ZNF516: variants seen among roughly 807,000 people sequenced by gnomAD.
ZNF516 encodes the protein zinc finger protein 516.
In ZNF516, 19 loss-of-function variants were observed where a neutral mutation model predicts 79.7. The ratio of observed to expected loss-of-function variants is 0.24; its 90% CI spans 0.17 to 0.35. The LOEUF (loss-of-function observed/expected upper bound fraction) is 0.35. Ranked by LOEUF, ZNF516 falls within the 10% of genes least tolerant of loss-of-function variation. ZNF516 has a pLI of 1.00. For missense variants in ZNF516, 1,678 were observed against 1,679.5 expected (o/e 1.00, Z 0.02); for synonymous variants, 877 against 739.5 (o/e 1.19, Z -3.02).
chr18:76,485,526 G>A (rs1335199186), intron 1 of ZNF516, among the ~76,000 whole-genome samples: 4 of 152,204 alleles, frequency 2.6e-5, no homozygotes, highest in Non-Finnish European at 5.9e-5. Context: ...TCGTAAAACA[G>A]AGAAAACAGG....
At chr18:76,492,075 A>G (rs1915262147) in intron 1 of ZNF516, 1 of 812,174 alleles carries the variant, frequency 1.2e-6, no homozygotes, top group African/African-American at 1.9e-5. Flanking sequence ...CGCATGGACG[A>G]GGTCCCTCCC....
chr18:76,431,259 A>G (rs2075656603), intron 3 of ZNF516, among the ~76,000 whole-genome samples: 1 of 152,194 alleles, frequency 6.6e-6, no homozygotes, highest in Admixed American at 6.5e-5. Context: ...GGACACACAC[A>G]CACACACACA....
intron 2 of ZNF516, among the ~76,000 whole-genome samples, chr18:76,446,404 G>T (rs560380160): frequency 5.3e-5 from 8 of 152,224 alleles, no homozygotes; most frequent in Admixed American, 4.6e-4. Flanking sequence ...CCCAAATACA[G>T]CCCCATCTAG....
rs559748313 is a variant in ZNF516, at chr18:76,380,196, C to T, written c.1918G>A (p.Gly640Ser). 1.4e-5 allele frequency: 23 copies of T among 1,613,940 alleles called. No homozygotes were observed. The African/African-American group carries it at 2.4e-4, about 17-fold the overall frequency. The change falls in exon 4 of 7, where the codon GGC (glycine) becomes AGC (serine). Residue 640 changes from glycine to serine, a missense_variant. Coordinates refer to ENST00000443185, the MANE Select transcript of ZNF516 (RefSeq NM_014643.4). ...GCTGCGATCCCTGCCTTGGACTCGC[C>T]GGTGTCTCTTTCCGAGGCGTTATCT... is the stretch of plus-strand genomic sequence containing the variant. ...MGDNASERDT[G>S]ESKAGIAASV...
At chr18:76,405,784 T>C (rs1317626370) in intron 3 of ZNF516, among the ~76,000 whole-genome samples, 1 of 151,852 alleles carries the variant, frequency 6.6e-6, no homozygotes, top group Non-Finnish European at 1.5e-5. Context: ...AGCCACACCG[T>C]CACACTCAGC....
intron 2 of ZNF516, among the ~76,000 whole-genome samples, chr18:76,444,290 A>G (rs1911909776): frequency 6.6e-6 from 1 of 152,188 alleles, no homozygotes; most frequent in Non-Finnish European, 1.5e-5. Flanking sequence ...TCATCTGCTC[A>G]TCTCTGCATA....
At chr18:76,443,249 G>C (rs1911836426) in intron 2 of ZNF516, 38 bp from the exon 3 acceptor site, 1 of 794,758 alleles carries the variant, frequency 1.3e-6, no homozygotes, top group African/African-American at 1.8e-5. Context: ...AAAGCTCCTG[G>C]CTAAGAGGGC....
intron 4 of ZNF516, among the ~76,000 whole-genome samples, chr18:76,377,622 CCT>C (rs925250380): frequency 2.4e-4 from 36 of 152,342 alleles, no homozygotes; most frequent in African/African-American, 8.2e-4. Flanking sequence ...GAACCATGCC[CCT>C]GACAGTCCTG....
At position 76,459,845 on chromosome 18, in the gene ZNF516, G is replaced by A. The variant is rs114273908; in HGVS notation, c.-158+3183C>T. 1.8e-3 allele frequency among the ~76,000 whole-genome samples: 267 copies of A among 152,280 alleles called. 1 individual carries two copies. The highest frequency in any genetic ancestry group is 6.1e-3 in the African/African-American group (254 of 41,564). The stretch of plus-strand genomic sequence containing the variant: ...CAGGCAGGCTAAGAACAGGCGATCC[G>A]GCAGGCACAAGAAGGAACATACTGA... On this transcript the variant is annotated intron_variant, in intron 2 of 6. Transcript: ENST00000443185. This position sits in a 1 kb window ranked among gnomAD's most constrained non-coding sequence, Gnocchi z 5.0.
chr18:76,456,824 G>C (rs1912757277), intron 2 of ZNF516, among the ~76,000 whole-genome samples: 1 of 152,170 alleles, frequency 6.6e-6, no homozygotes, highest in Non-Finnish European at 1.5e-5. Flanking sequence ...CTTTTTCCAA[G>C]CTATTCATGC....
At chr18:76,376,888 C>A (rs956969513) in intron 4 of ZNF516, among the ~76,000 whole-genome samples, 1 of 152,160 alleles carries the variant, frequency 6.6e-6, no homozygotes, top group Non-Finnish European at 1.5e-5. Context: ...AAGGACACAG[C>A]GGGCCAGGTG....
At chr18:76,384,020 C>T (rs1015825360) in intron 3 of ZNF516, among the ~76,000 whole-genome samples, 2 of 152,190 alleles carry the variant, frequency 1.3e-5, no homozygotes, top group African/African-American at 4.8e-5. Context: ...AAAACTAAGA[C>T]GAGGGGCCTC....
intron 3 of ZNF516, chr18:76,387,595 T>A (rs534906265): frequency 6.6e-6 from 1 of 152,370 alleles, no homozygotes; most frequent in Non-Finnish European, 1.5e-5. Flanking sequence ...CGTGATTTTC[T>A]TTTTTCAGAG....
intron 6 of ZNF516, among the ~76,000 whole-genome samples, chr18:76,364,687 A>G (rs906151585): frequency 2.0e-5 from 3 of 151,422 alleles, no homozygotes. Context: ...CACACAAAAA[A>G]CCTGCCATGC....
intron 3 of ZNF516, among the ~76,000 whole-genome samples, chr18:76,408,786 G>T (rs184169609): frequency 1.3e-5 from 2 of 152,354 alleles, no homozygotes; most frequent in East Asian, 3.9e-4. Flanking sequence ...TTCCAGTAAT[G>T]TATCACCCTC....
At chr18:76,483,811 G>A (rs1233387170) in intron 1 of ZNF516, among the ~76,000 whole-genome samples, 2 of 152,182 alleles carry the variant, frequency 1.3e-5, no homozygotes, top group South Asian at 2.1e-4. Flanking sequence ...CACCCACTGC[G>A]GGGCTGGGAA....
At chr18:76,491,285 G>A (rs1199176004) in intron 1 of ZNF516, among the ~76,000 whole-genome samples, 121 of 15,876 alleles carry the variant, frequency 7.6e-3, no homozygotes, top group Non-Finnish European at 0.012. Flanking sequence ...CCCGGCCCCG[G>A]CCCCGGCCCC....
At position 76,379,881 on chromosome 18, in the gene ZNF516, T is replaced by G; in HGVS notation, c.2233A>C (p.Ser745Arg). The G allele has an allele frequency of 1.9e-6, 3 of 1,613,942 alleles. No homozygotes were observed. The East Asian group carries it at 6.7e-5, about 36-fold the overall frequency. Residue 745 changes from serine to arginine, a missense_variant, in exon 4 of 7, where the codon AGC becomes CGC. Physicochemically the swap from Ser to Arg is moderately radical, Grantham distance 110. Coordinates refer to ENST00000443185, the MANE Select transcript of ZNF516 (RefSeq NM_014643.4). ...LSARSTRDDP[S>R]NKETASSLQA... ...AGGGAGGAGGCCGTCTCCTTATTGC[T>G]GGGGTCATCCCGCGTCGACCTCGCA...
chr18:76,493,158 T>G lies in ZNF516; in HGVS notation c.-272+1986A>C, dbSNP rs527328415. 1.0e-6 allele frequency: 1 copy of G among 984,982 alleles called. No individual in the cohort carries two copies. Among genetic ancestry groups the G allele is most frequent in the Non-Finnish European group, 1.2e-6 (1 of 829,816 alleles). 61.0% of individuals were successfully genotyped at this position (984,982 alleles called of 1,614,324 possible). ...TTTAATGGTAAAACAACAGCAGAGC[T>G]CTGAAAGTTAGCCATCTGCGCAGAG... On this transcript the variant is annotated intron_variant, in intron 1 of 6. Coordinates refer to ENST00000443185, the MANE Select transcript of ZNF516 (RefSeq NM_014643.4). This position sits in a 1 kb window ranked among gnomAD's most constrained non-coding sequence, Gnocchi z 5.2.
Sources: allele counts gnomAD v4.1 joint callset (sites outside exome capture counted in the v4.1 genomes callset), GRCh38; gene constraint gnomAD v4.1.1; non-coding constraint Gnocchi (gnomAD v3.1); transcripts MANE v1.5; gene names NCBI Gene and HGNC (gene_info 2026-07-23, HGNC 2026-07-21).